The following FBXW10 variants were observed in gnomAD, a reference collection of about 807,000 sequenced individuals.
FBXW10 encodes the protein F-box/WD repeat-containing protein 10.
Under a neutral mutation model 113.1 loss-of-function variants are expected in FBXW10, and 68 were observed. That is an observed-to-expected ratio of 0.60 (90% CI 0.49 to 0.74). The LOEUF (loss-of-function observed/expected upper bound fraction) is 0.74. Ranked by LOEUF, FBXW10 falls within the 30% of genes least tolerant of loss-of-function variation. The probability of loss-of-function intolerance (pLI) is 0.00; values close to 1 mark genes in which losing one functional copy is unlikely to be tolerated. For synonymous variants in FBXW10, 289 were observed against 481.6 expected, an observed-to-expected ratio of 0.60 and a Z score of 5.24; for missense variants, 753 against 1,284.5, an observed-to-expected ratio of 0.59 and a Z score of 6.32.
At chr17:18,751,654 G>A (rs1227859431) in intron 5 of FBXW10, among the ~76,000 whole-genome samples, 1 of 152,226 alleles carries the variant, frequency 6.6e-6, no homozygotes, top group Non-Finnish European at 1.5e-5. Flanking sequence ...ATGGCACCAG[G>A]TCATTTAGTG....
chr17:18,752,439 G>A (rs1490723187), intron 5 of FBXW10, among the ~76,000 whole-genome samples: 1 of 152,176 alleles, frequency 6.6e-6, no homozygotes, highest in Admixed American at 6.5e-5. Flanking sequence ...TCTGGGCCAG[G>A]TGCAGCAGCT....
chr17:18,771,403 A>G (rs1413314217), intron 11 of FBXW10, among the ~76,000 whole-genome samples: 1 of 152,202 alleles, frequency 6.6e-6, no homozygotes, highest in African/African-American at 2.4e-5. Context: ...GCTTGCTTGT[A>G]AAACTGGTGG....
rs370583951 is a variant in FBXW10 at position 18,758,441 on chromosome 17, C to T, written c.1369C>T (p.Arg457Trp). The change falls in exon 7 of 14, where the codon CGG becomes TGG. Residue 457 changes from arginine (R) to tryptophan (W), a missense_variant. Coordinates refer to ENST00000395665, the MANE Select transcript of FBXW10 (RefSeq NM_001267585.2). ...VEFRGHAGSV[R>W]ALFLCEEENF... Reference sequence around the variant, plus strand: ...ATTCCGAGGCCATGCTGGGAGTGTCCGGGCCCTCTTCCTGTGTGAGGAGGA... The same window carrying T: ...ATTCCGAGGCCATGCTGGGAGTGTCTGGGCCCTCTTCCTGTGTGAGGAGGA... 41 of 1,610,838 alleles carry T rather than the reference C, an allele frequency of 2.5e-5. No homozygotes were observed. Among genetic ancestry groups the T allele is most frequent in the Non-Finnish European group, 2.8e-5 (33 of 1,178,972 alleles).
In FBXW10 at chr17:18,772,659, C is replaced by T. The variant is rs1279056965; in HGVS notation, c.2254C>T (p.Leu752=). 6.2e-7 allele frequency: 1 copy of T among 1,611,816 alleles called. No individual in the cohort carries two copies. Among genetic ancestry groups the T allele is most frequent in the Admixed American group, 1.7e-5 (1 of 59,464 alleles). Residue 752 remains leucine (L), a synonymous_variant, in exon 12 of 14, where the codon CTG becomes TTG. Transcript: ENST00000395665. ...CAAACCTCCCAAGTCCCGAGTACTC[C>T]TGAAGCCGGCCAAGTTCTCTTCAGG... ...PGKPPKSRVL[L]KPAKFSSAVL... is the part of the protein sequence containing the mutation.
intron 7 of FBXW10, among the ~76,000 whole-genome samples, chr17:18,764,200 CTTTTTT>C (rs140032131): frequency 6.9e-5 from 8 of 116,590 alleles, no homozygotes; most frequent in South Asian, 5.6e-4. Context: ...TGTAAATACT[CTTTTTT>C]TTTTTTTTTT....
chr17:18,750,168 CT>C (rs1287786306), intron 4 of FBXW10, 31 bp downstream of exon 4: 10 of 1,576,638 alleles, frequency 6.3e-6, no homozygotes, highest in Non-Finnish European at 7.8e-6. Context: ...AGGGGAATGT[CT>C]GAGACCAGCT....
Position 18,744,114 on chromosome 17 carries a change from T to G in FBXW10, c.-131T>G. The G allele has an allele frequency of 6.8e-7, 1 of 1,475,558 alleles. No homozygotes were observed. Among genetic ancestry groups the G allele is most frequent in the Non-Finnish European group, 9.1e-7 (1 of 1,102,268 alleles). 91.4% of individuals were successfully genotyped at this position (1,475,558 alleles called of 1,614,324 possible). ...TTCCATCCATGGCAGCCATTTACTT[T>G]TGCTCTGGGAGACGTTTGTAATAGA... On this transcript the variant is annotated 5_prime_UTR_variant, in exon 1 of 14. Coordinates refer to ENST00000395665, the MANE Select transcript of FBXW10 (RefSeq NM_001267585.2).
At chr17:18,766,970 C>T in intron 9 of FBXW10, 108 bp downstream of exon 9, 1 of 1,136,234 alleles carries the variant, frequency 8.8e-7, no homozygotes, top group Non-Finnish European at 1.3e-6. Flanking sequence ...GTATGACCTT[C>T]AAGAAGGACA....
At chr17:18,773,411 A>G (rs1193939376) in intron 12 of FBXW10, among the ~76,000 whole-genome samples, 1 of 152,180 alleles carries the variant, frequency 6.6e-6, no homozygotes, top group East Asian at 1.9e-4. Context: ...CAGAAAAATG[A>G]TCTGTGCAGA....
chr17:18,768,026 T>TTCCTTCCTTCCTTCCTTC lies in FBXW10; in HGVS notation c.1705-508_1705-507insTCCTTCCTTCCTTCCTTC, dbSNP rs2035532886. On this transcript the variant is annotated intron_variant, in intron 9 of 13. Transcript: ENST00000395665. ...TTTTCTTTTCCTTCCTTCCTTCCTT[T>TTCCTTCCTTCCTTCCTTC]CTTCCTTCCTTCCTTCCTTCCTTCC... is the stretch of plus-strand genomic sequence containing the variant. Among the ~76,000 whole-genome samples the TTCCTTCCTTCCTTCCTTC allele has an allele frequency of 3.7e-4, 50 of 135,788 alleles. 2 individuals carry two copies. Among genetic ancestry groups the TTCCTTCCTTCCTTCCTTC allele is most frequent in the Non-Finnish European group, 5.2e-4 (33 of 63,758 alleles). The allele number at this position is 135,788 out of a possible 152,430, so 89.1% of individuals were successfully genotyped here. A position where few individuals can be genotyped will look rare whatever the true frequency, so the allele number is the denominator to read the frequency against.
At chr17:18,753,868 C>G (rs1261121498) in intron 5 of FBXW10, among the ~76,000 whole-genome samples, 1 of 150,644 alleles carries the variant, frequency 6.6e-6, no homozygotes, top group African/African-American at 2.4e-5. Context: ...GAGAGCGAGA[C>G]TCCATCTCAA....
At position 18,768,514 on chromosome 17, in the gene FBXW10, A is replaced by G. The variant is rs986931773; in HGVS notation, c.1705-20A>G. The G allele has an allele frequency of 3.1e-6, 5 of 1,613,542 alleles. No homozygotes were observed. Among genetic ancestry groups the G allele is most frequent in the Non-Finnish European group, 4.2e-6 (5 of 1,179,806 alleles). ...AGGAGTCACAGTCTGAGTTGAAGACAGTGGTATCTTTTCTTGCAGACTCTC... is the reference window on the plus strand; with the variant it reads ...AGGAGTCACAGTCTGAGTTGAAGACGGTGGTATCTTTTCTTGCAGACTCTC... On this transcript the variant is annotated intron_variant, in intron 9 of 13. Transcript: ENST00000395665.
chr17:18,770,188 G>A (rs2035585791), intron 11 of FBXW10, 103 bp downstream of exon 11: 17 of 1,554,170 alleles, frequency 1.1e-5, no homozygotes, highest in African/African-American at 1.4e-5. Flanking sequence ...GTCAGGAGGA[G>A]AGAGTGTGCA....
intron 1 of FBXW10, among the ~76,000 whole-genome samples, chr17:18,747,529 C>T (rs535688762): frequency 6.6e-6 from 1 of 152,192 alleles, no homozygotes; most frequent in African/African-American, 2.4e-5. Context: ...GCACTCCACC[C>T]TGGGCAATAA....
At chr17:18,770,854 C>T (rs958656617) in intron 11 of FBXW10, among the ~76,000 whole-genome samples, 1 of 152,078 alleles carries the variant, frequency 6.6e-6, no homozygotes, top group Non-Finnish European at 1.5e-5. Flanking sequence ...CTTACAAAAC[C>T]AGTACCATGA....
intron 7 of FBXW10, 48 bp from the exon 8 acceptor site, chr17:18,764,694 C>T (rs375386762): frequency 1.9e-6 from 3 of 1,613,658 alleles, no homozygotes; most frequent in East Asian, 2.2e-5. Flanking sequence ...CAGTATGATC[C>T]TCTGGGCCCT....
At chr17:18,749,504 G>A (rs1377969628) in intron 2 of FBXW10, among the ~76,000 whole-genome samples, 2 of 152,018 alleles carry the variant, frequency 1.3e-5, no homozygotes, top group Admixed American at 1.3e-4. Flanking sequence ...CCGAGATCGC[G>A]CCACTACACT....
At chr17:18,777,526 G>A (rs1442698818) in intron 13 of FBXW10, among the ~76,000 whole-genome samples, 3 of 151,592 alleles carry the variant, frequency 2.0e-5, no homozygotes, top group Non-Finnish European at 2.9e-5. Flanking sequence ...AGATGTGAAG[G>A]TCATTCCCAA....
chr17:18,761,326 C>T (rs1195613603), intron 7 of FBXW10, among the ~76,000 whole-genome samples: 12 of 149,418 alleles, frequency 8.0e-5, no homozygotes, highest in East Asian at 3.9e-4. Flanking sequence ...AGTGCAGTGG[C>T]GCGATCTCAG....
Sources: gnomAD v4.1 joint callset for allele counts (sites outside exome capture counted in the v4.1 genomes callset) on GRCh38, gnomAD v4.1.1 for gene constraint, MANE v1.5 for transcripts, NCBI Gene and HGNC (gene_info 2026-07-23, HGNC 2026-07-21) for gene names.